Variants in SHANK2 observed in about 807,000 individuals in gnomAD.
SHANK2 encodes the protein SH3 and multiple ankyrin repeat domains 2.
A neutral mutation model predicts 133.7 loss-of-function variants in SHANK2; 43 were observed. The observed-to-expected ratio is 0.32, with a 90% CI of 0.25 to 0.41. The LOEUF is 0.41. Among genes scored for constraint, SHANK2 ranks in the 10% least tolerant of loss-of-function variants. The probability of loss-of-function intolerance (pLI) is 1.00; values close to 1 mark genes in which losing one functional copy is unlikely to be tolerated. For synonymous variants in SHANK2, 1,017 were observed against 952.8 expected, an observed-to-expected ratio of 1.07 and a Z score of -1.24; for missense variants, 1,994 against 2,235.8, an observed-to-expected ratio of 0.89 and a Z score of 2.18.
intron 11 of SHANK2, among the ~76,000 whole-genome samples, chr11:70,827,640 T>G (rs868933767): frequency 0.013 from 1,142 of 87,468 alleles, 21 homozygotes; most frequent in African/African-American, 0.038. Context: ...GTGTGTGTGT[T>G]TTTTTTTTTT....
intron 11 of SHANK2, chr11:70,864,779 G>A (rs1949326638): frequency 6.6e-6 from 1 of 152,390 alleles, no homozygotes; most frequent in Non-Finnish European, 1.5e-5. Flanking sequence ...CAATCCCAGT[G>A]CTTTGGGAGG....
At position 71,099,352 on chromosome 11, in the gene SHANK2, C is replaced by T. The variant is rs554118228; in HGVS notation, c.593-4664G>A. Among the ~76,000 whole-genome samples the T allele has an allele frequency of 8.5e-5, 13 of 152,250 alleles. No homozygotes were observed. In the South Asian group the frequency reaches 2.1e-3, roughly 24 times the overall value. On this transcript the variant is annotated intron_variant, in intron 6 of 25. Coordinates refer to ENST00000601538, the MANE Select transcript of SHANK2 (RefSeq NM_012309.5). ...CTCTAACTGTGAGAAGCGTACCATA[C>T]GACTTCCGCTCAGAAGAATACTGGA...
chr11:70,826,529 C>T (rs781827834), intron 11 of SHANK2: 6 of 471,154 alleles, frequency 1.3e-5, no homozygotes, highest in Middle Eastern at 3.2e-4. Context: ...GGCAGCGGTC[C>T]GCTCATTATA....
intron 2 of SHANK2, among the ~76,000 whole-genome samples, chr11:71,218,052 G>A (rs185720143): frequency 8.1e-4 from 123 of 152,012 alleles, no homozygotes; most frequent in Middle Eastern, 6.8e-3. Flanking sequence ...GGGTTTCACC[G>A]TGTTAGCCAG....
chr11:70,497,036 C>T (rs1208957121), intron 21 of SHANK2: 1 of 456,556 alleles, frequency 2.2e-6, no homozygotes, highest in Non-Finnish European at 4.4e-6. Context: ...TGAACTAGAG[C>T]ATGTGAGAGC....
chr11:70,730,177 TGAGGCC>T (rs1565275346), intron 14 of SHANK2, among the ~76,000 whole-genome samples: 1 of 152,138 alleles, frequency 6.6e-6, no homozygotes, highest in Non-Finnish European at 1.5e-5. Flanking sequence ...ATTTGCAGCA[TGAGGCC>T]CCAGGAGCTG....
intron 6 of SHANK2, among the ~76,000 whole-genome samples, chr11:71,106,007 A>G (rs1341071483): frequency 6.6e-6 from 1 of 152,244 alleles, no homozygotes; most frequent in East Asian, 1.9e-4. Context: ...GGACTTGAGG[A>G]TCACAACTGG....
At chr11:70,488,875 T>G (rs1398921350) in intron 24 of SHANK2, 2 of 184,954 alleles carry the variant, frequency 1.1e-5, no homozygotes, top group African/African-American at 4.8e-5. Context: ...GCCTGAGGGT[T>G]CTCTGGGTGT....
intron 17 of SHANK2, among the ~76,000 whole-genome samples, chr11:70,524,893 C>A (rs140560735): frequency 6.6e-6 from 1 of 152,252 alleles, no homozygotes; most frequent in Non-Finnish European, 1.5e-5. Context: ...CATGCTCACA[C>A]GCACACAGGC....
Position 70,646,476 on chromosome 11 carries a change from C to A in SHANK2, c.2061+13352G>T, listed in dbSNP as rs149891467. ...AAGTTCCTCAGCCCATGTTTTCCCTCCTTCCTTCAGTTTGACAATAGGGGT... is the reference window on the plus strand; with the variant it reads ...AAGTTCCTCAGCCCATGTTTTCCCTACTTCCTTCAGTTTGACAATAGGGGT... On this transcript the variant is annotated intron_variant, in intron 17 of 25. Coordinates refer to ENST00000601538, the MANE Select transcript of SHANK2 (RefSeq NM_012309.5). Among the ~76,000 whole-genome samples, 2 of 152,350 alleles carry A rather than the reference C, an allele frequency of 1.3e-5. 1 individual carries two copies. Among genetic ancestry groups the A allele is most frequent in the East Asian group, 3.9e-4 (2 of 5,188 alleles).
chr11:70,752,742 G>T (rs1946781448), intron 14 of SHANK2, among the ~76,000 whole-genome samples: 1 of 146,082 alleles, frequency 6.8e-6, no homozygotes, highest in Non-Finnish European at 1.5e-5. Flanking sequence ...AAGAAGACAC[G>T]CCAGTCGTGA....
At chr11:70,751,843 T>C (rs1946754824) in intron 14 of SHANK2, among the ~76,000 whole-genome samples, 1 of 148,788 alleles carries the variant, frequency 6.7e-6, no homozygotes, top group African/African-American at 2.4e-5. Context: ...CACAGACTAA[T>C]TGCTTTAATA....
At chr11:70,646,828 A>ATTTATTTATTTT (rs2061268495) in intron 17 of SHANK2, among the ~76,000 whole-genome samples, 1 of 65,584 alleles carries the variant, frequency 1.5e-5, no homozygotes, top group African/African-American at 5.4e-5. Flanking sequence ...ACTTTTATTT[A>ATTTATTTATTTT]TTTTATTTAT....
At chr11:70,831,206 A>G (rs1375136900) in intron 11 of SHANK2, among the ~76,000 whole-genome samples, 1 of 152,058 alleles carries the variant, frequency 6.6e-6, no homozygotes, top group Non-Finnish European at 1.5e-5. Context: ...AACTCAGGCA[A>G]GCACCTTTTG....
At position 70,486,718 on chromosome 11, in the gene SHANK2, C is replaced by A; in HGVS notation, c.3575G>T (p.Ser1192Ile). 2 of 1,610,458 alleles carry A rather than the reference C, an allele frequency of 1.2e-6. No individual in the cohort carries two copies. Among genetic ancestry groups the A allele is most frequent in the Non-Finnish European group, 1.7e-6 (2 of 1,179,932 alleles). The stretch of plus-strand genomic sequence containing the variant: ...ATTCCCGGGGCCGGCTGTGCCGCTG[C>A]TCGCGGAGGGCACTGCTGGGCTGCT... ...PESSPAVPSA[S>I]SGTAGPGNYV... is the part of the protein sequence containing the mutation. The change falls in exon 25 of 26, where the codon AGC (serine) becomes ATC (isoleucine). Residue 1192 changes from serine (S) to isoleucine (I), a missense_variant. Ser to Ile is a moderately radical substitution (Grantham distance 142). This residue lies in a region of SHANK2 where 797 missense variants were observed against 907.4 expected (regional missense o/e 0.88). Transcript: ENST00000601538. This position sits in a 1 kb window ranked among gnomAD's most constrained non-coding sequence, Gnocchi z 8.0.
intron 17 of SHANK2, among the ~76,000 whole-genome samples, chr11:70,537,271 T>C (rs1485189332): frequency 6.6e-6 from 1 of 152,238 alleles, no homozygotes; most frequent in Non-Finnish European, 1.5e-5. Flanking sequence ...AGGGCCAGCA[T>C]GGCAGCCCCC....
intron 15 of SHANK2, among the ~76,000 whole-genome samples, chr11:70,691,119 A>T (rs1403152856): frequency 6.6e-6 from 1 of 152,040 alleles, no homozygotes; most frequent in Non-Finnish European, 1.5e-5. Context: ...AAATTTATGG[A>T]GGGAGGAAAA....
chr11:70,693,916 GGGTGGATAGATAAATA>G (rs1555021649), intron 15 of SHANK2, among the ~76,000 whole-genome samples: 2 of 152,186 alleles, frequency 1.3e-5, no homozygotes, highest in Non-Finnish European at 2.9e-5. Flanking sequence ...ACAGGTGACT[GGGTGGATAGATAAATA>G]GGTGGATAGA....
Position 71,252,009 on chromosome 11 carries a change from G to A in SHANK2, c.-113+416C>T, listed in dbSNP as rs1948191646. Among the ~76,000 whole-genome samples the A allele has an allele frequency of 6.6e-6, 1 of 152,136 alleles. No homozygotes were observed. Among genetic ancestry groups the A allele is most frequent in the African/African-American group, 2.4e-5 (1 of 41,466 alleles). Reference sequence around the variant, plus strand: ...TAGGGCTGGCGGGCGGTGACCCGGGGCAAGGAGACCCCGGGAGAGCGGGGG... The same window carrying A: ...TAGGGCTGGCGGGCGGTGACCCGGGACAAGGAGACCCCGGGAGAGCGGGGG... On this transcript the variant is annotated intron_variant, in intron 1 of 25. Coordinates refer to ENST00000601538, the MANE Select transcript of SHANK2 (RefSeq NM_012309.5). This position sits in a 1 kb window ranked among gnomAD's most constrained non-coding sequence, Gnocchi z 6.3.
Sources: allele counts gnomAD v4.1 joint callset (sites outside exome capture counted in the v4.1 genomes callset), GRCh38; gene constraint gnomAD v4.1.1; regional missense constraint gnomAD v4.1.1; non-coding constraint Gnocchi (gnomAD v3.1); transcripts MANE v1.5; gene names NCBI Gene and HGNC (gene_info 2026-07-23, HGNC 2026-07-21).